CREBBP: variants seen among roughly 807,000 people sequenced by gnomAD.
CREBBP encodes CREB binding lysine acetyltransferase.
In CREBBP, 19 loss-of-function variants were observed where a neutral mutation model predicts 265.0. The ratio of observed to expected loss-of-function variants is 0.07; its 90% CI spans 0.05 to 0.11. CREBBP has a LOEUF of 0.11. Among genes scored for constraint, CREBBP ranks in the 10% least tolerant of loss-of-function variants. The pLI is 1.00. For synonymous variants in CREBBP, 1,457 were observed against 1,223.7 expected, an observed-to-expected ratio of 1.19 and a Z score of -3.98; for missense variants, 2,525 against 3,219.0, an observed-to-expected ratio of 0.78 and a Z score of 5.22.
chr16:3,748,716 AATTTG>A (rs2052404942), intron 21 of CREBBP, among the ~76,000 whole-genome samples: 4 of 152,142 alleles, frequency 2.6e-5, no homozygotes, highest in Admixed American at 6.5e-5. Context: ...TCGCCATGCC[AATTTG>A]GAGCGCCCTC....
intron 3 of CREBBP, among the ~76,000 whole-genome samples, chr16:3,803,567 T>C (rs571905372): frequency 1.3e-5 from 2 of 152,140 alleles, no homozygotes; most frequent in African/African-American, 4.8e-5. Context: ...TCCAGAATGA[T>C]TTATAAGTAA....
At chr16:3,876,519 T>C (rs1597094451) in intron 1 of CREBBP, among the ~76,000 whole-genome samples, 1 of 147,760 alleles carries the variant, frequency 6.8e-6, no homozygotes, top group South Asian at 2.2e-4. Flanking sequence ...AAAGACACAA[T>C]ATGCTATTTT....
At chr16:3,760,186 G>GGCTCAA (rs748275701) in intron 16 of CREBBP, among the ~76,000 whole-genome samples, 1 of 152,080 alleles carries the variant, frequency 6.6e-6, no homozygotes, top group Non-Finnish European at 1.5e-5. Context: ...CAACCTCCCA[G>GGCTCAA]GCTCAAGCCA....
chr16:3,738,491 C>T, intron 26 of CREBBP, 68 bp downstream of exon 26: 1 of 947,924 alleles, frequency 1.1e-6, no homozygotes, highest in East Asian at 2.5e-5. Context: ...CCCATTATTT[C>T]ACGGAATAAA....
chr16:3,880,301 TGCC>T lies in CREBBP; in HGVS notation c.-388_-386del, dbSNP rs1330924403. On this transcript the variant is annotated 5_prime_UTR_variant, in exon 1 of 31. Coordinates refer to ENST00000262367, the MANE Select transcript of CREBBP (RefSeq NM_004380.3). ...GCTCAGGCAGTCCCCGAGAACATGG[TGCC>T]GCCGCCGCCGCCGCCTCGCTCCCCC... 8 of 133,096 alleles carry T rather than the reference TGCC, an allele frequency of 6.0e-5. No individual in the cohort carries two copies. Among genetic ancestry groups the T allele is most frequent in the Non-Finnish European group, 6.6e-5 (4 of 60,996 alleles). The allele number at this position is 133,096 out of a possible 1,614,324, so 8.2% of individuals were successfully genotyped here. A position where few individuals can be genotyped will look rare whatever the true frequency, so the allele number is the denominator to read the frequency against.
In CREBBP at chr16:3,810,573, C is replaced by G. The variant is rs1470996195; in HGVS notation, c.975+30G>C. On this transcript the variant is annotated intron_variant, in intron 3 of 30. Coordinates refer to ENST00000262367, the MANE Select transcript of CREBBP (RefSeq NM_004380.3). Reference sequence around the variant, plus strand: ...ACAGACCACAGCACCCACCGGAGAGCCATAACACTGAGGGCCAAGGGTAAC... The same window carrying G: ...ACAGACCACAGCACCCACCGGAGAGGCATAACACTGAGGGCCAAGGGTAAC... 3.1e-6 allele frequency: 5 copies of G among 1,611,814 alleles called. No homozygotes were observed. In the African/African-American group the frequency reaches 6.7e-5, roughly 22 times the overall value.
At chr16:3,735,916 C>A (rs1400384211) in intron 28 of CREBBP, 120 bp downstream of exon 28, 2 of 1,524,258 alleles carry the variant, frequency 1.3e-6, no homozygotes, top group Non-Finnish European at 1.8e-6. Context: ...TGTCGACGTG[C>A]ATGTGTGAAC....
rs2107619 is a variant in CREBBP at position 3,875,599 on chromosome 16, G to C, written c.85+4233C>G. 0.011 allele frequency among the ~76,000 whole-genome samples: 1,696 copies of C among 152,304 alleles called. 69 individuals carry two copies. The East Asian group carries it at 0.12, about 11-fold the overall frequency. ...GATCTCATTCATGTGCGGGAAGGCCGCTACTGAAACTCACTAAGCTTGGCA... is the reference window on the plus strand; with the variant it reads ...GATCTCATTCATGTGCGGGAAGGCCCCTACTGAAACTCACTAAGCTTGGCA... On this transcript the variant is annotated intron_variant, in intron 1 of 30. Transcript: ENST00000262367.
chr16:3,829,281 A>G (rs190748485), intron 2 of CREBBP, among the ~76,000 whole-genome samples: 21 of 152,356 alleles, frequency 1.4e-4, no homozygotes, highest in African/African-American at 4.8e-4. Context: ...AGTGAACTTA[A>G]TCCTCAGACG....
intron 17 of CREBBP, among the ~76,000 whole-genome samples, 166 bp from the exon 18 acceptor site, chr16:3,758,214 C>A (rs1341796103): frequency 1.3e-5 from 2 of 152,072 alleles, no homozygotes; most frequent in Non-Finnish European, 2.9e-5. Context: ...TCTGACGCAA[C>A]TGATTTTACT....
Position 3,877,258 on chromosome 16 carries a change from G to C in CREBBP, c.85+2574C>G, listed in dbSNP as rs147282010. Among the ~76,000 whole-genome samples the C allele has an allele frequency of 1.4e-3, 210 of 152,240 alleles. 1 individual carries two copies. The highest frequency in any genetic ancestry group is 4.9e-3 in the African/African-American group (203 of 41,520). ...AGTTCCTCAAGAATGTTATTCTCAGGTCTGTCCCACCTAACCAAATGCCTT... is the reference window on the plus strand; with the variant it reads ...AGTTCCTCAAGAATGTTATTCTCAGCTCTGTCCCACCTAACCAAATGCCTT... On this transcript the variant is annotated intron_variant, in intron 1 of 30. Transcript: ENST00000262367.
intron 5 of CREBBP, 56 bp from the exon 6 acceptor site, chr16:3,782,982 C>T: frequency 6.2e-7 from 1 of 1,609,602 alleles, no homozygotes; most frequent in Non-Finnish European, 8.5e-7. Context: ...AAGGGAGAAG[C>T]CCACGAATGA....
chr16:3,806,004 C>T (rs560481196), intron 3 of CREBBP, among the ~76,000 whole-genome samples: 2 of 152,350 alleles, frequency 1.3e-5, no homozygotes, highest in South Asian at 4.1e-4. Flanking sequence ...ACAGATTCTG[C>T]ACCTTCGTCC....
At chr16:3,849,437 G>GA (rs2054758804) in intron 2 of CREBBP, among the ~76,000 whole-genome samples, 9 of 16,478 alleles carry the variant, frequency 5.5e-4, no homozygotes, top group African/African-American at 1.0e-3. Flanking sequence ...GTGTGTGTGT[G>GA]TGTGTGTGTG....
rs1178646853 is a variant in CREBBP, at chr16:3,774,616, G to C, written c.2236C>G (p.Pro746Ala). ...QAPMGPRAAS[P>A]MNHSVQMNSM... Reference sequence around the variant, plus strand: ...TTCATCTGGACAGAGTGGTTCATTGGGGAGGCTGCACGAGGTCCCATGGGT... The same window carrying C: ...TTCATCTGGACAGAGTGGTTCATTGCGGAGGCTGCACGAGGTCCCATGGGT... The change falls in exon 12 of 31, where the codon CCA becomes GCA. Residue 746 changes from proline (P) to alanine (A), a missense_variant. Pro to Ala is a conservative substitution (Grantham distance 27). Coordinates refer to ENST00000262367, the MANE Select transcript of CREBBP (RefSeq NM_004380.3). 1.9e-6 allele frequency: 3 copies of C among 1,614,200 alleles called. No homozygotes were observed. The highest frequency in any genetic ancestry group is 2.5e-6 in the Non-Finnish European group (3 of 1,180,040).
At chr16:3,735,358 G>A (rs747936331) in intron 28 of CREBBP, among the ~76,000 whole-genome samples, 4 of 152,092 alleles carry the variant, frequency 2.6e-5, no homozygotes, top group South Asian at 4.1e-4. Context: ...GTGCAACGGC[G>A]CAATCTAGGC....
chr16:3,774,770 T>G (rs2053096674), intron 11 of CREBBP, 77 bp from the exon 12 acceptor site: 9 of 1,577,774 alleles, frequency 5.7e-6, no homozygotes, highest in Non-Finnish European at 7.8e-6. Context: ...AAATAAACTC[T>G]TAAGTAAAAT....
At chr16:3,878,232 A>T (rs2055443618) in intron 1 of CREBBP, among the ~76,000 whole-genome samples, 2 of 152,246 alleles carry the variant, frequency 1.3e-5, no homozygotes. Context: ...AGAACTGAAG[A>T]CTACTCAAAC....
intron 1 of CREBBP, among the ~76,000 whole-genome samples, chr16:3,871,096 G>GA (rs1260352996): frequency 6.7e-6 from 1 of 148,862 alleles, no homozygotes; most frequent in Non-Finnish European, 1.5e-5. Context: ...AAGAAAGAAA[G>GA]AAAAAAGAAA....
Sources: allele counts gnomAD v4.1 joint callset (sites outside exome capture counted in the v4.1 genomes callset), GRCh38; gene constraint gnomAD v4.1.1; transcripts MANE v1.5; gene names NCBI Gene and HGNC (gene_info 2026-07-23, HGNC 2026-07-21).